The following RRP1 variants were observed in gnomAD, a reference collection of about 807,000 sequenced individuals.
RRP1 encodes the protein ribosomal RNA processing 1.
A neutral mutation model predicts 54.6 loss-of-function variants in RRP1; 37 were observed. That is an observed-to-expected ratio of 0.68 (90% CI 0.52 to 0.89). RRP1 has a LOEUF of 0.89. Ranked by LOEUF, RRP1 falls within the 40% of genes least tolerant of loss-of-function variation. The pLI is 0.00. For missense variants in RRP1, 639 were observed against 612.5 expected (o/e 1.04, Z -0.46); for synonymous variants, 262 against 244.3 (o/e 1.07, Z -0.67).
chr21:43,790,028 T>A (rs1400865148), intron 1 of RRP1, among the ~76,000 whole-genome samples: 2 of 152,116 alleles, frequency 1.3e-5, no homozygotes, highest in African/African-American at 2.4e-5. Context: ...AGGCGTCCCC[T>A]CCCTCCAGTA....
chr21:43,792,912 A>G (rs1601866763), intron 3 of RRP1, 183 bp downstream of exon 3: 2 of 628,298 alleles, frequency 3.2e-6, no homozygotes, highest in Middle Eastern at 2.7e-4. Context: ...AGTATTCAAC[A>G]TGGATTAGCT....
chr21:43,793,750 GC>G (rs1157032367), intron 4 of RRP1, among the ~76,000 whole-genome samples: 1 of 152,254 alleles, frequency 6.6e-6, no homozygotes, highest in Admixed American at 6.5e-5. Context: ...CAGCAGAGGA[GC>G]TGCGGTCACG....
At chr21:43,800,435 T>C in intron 9 of RRP1, 82 bp from the exon 10 acceptor site, 1 of 1,306,780 alleles carries the variant, frequency 7.7e-7, no homozygotes. Flanking sequence ...CCAAGTGCTA[T>C]CTGGGTCTCA....
intron 8 of RRP1, among the ~76,000 whole-genome samples, chr21:43,798,556 GC>G (rs1340717927): frequency 2.0e-5 from 3 of 152,064 alleles, no homozygotes; most frequent in African/African-American, 7.2e-5. Flanking sequence ...CTCGTTCCTG[GC>G]CCGTCTCCCC....
At chr21:43,790,006 C>A (rs1411700792) in intron 1 of RRP1, among the ~76,000 whole-genome samples, 1 of 152,254 alleles carries the variant, frequency 6.6e-6, no homozygotes, top group African/African-American at 2.4e-5. Flanking sequence ...CCCGTAACCC[C>A]TTTCCTAGCT....
At position 43,789,692 on chromosome 21, in the gene RRP1, G is replaced by A. The variant is rs533406291; in HGVS notation, c.63G>A (p.Glu21=). The A allele has an allele frequency of 1.0e-5, 16 of 1,564,310 alleles. 1 individual carries two copies. The highest frequency in any genetic ancestry group is 1.7e-4 in the Middle Eastern group (1 of 6,000). The stretch of plus-strand genomic sequence containing the variant: ...TGGCTCAGCGCCTGGCGGGGAATGA[G>A]CAGGTGACCCGGGACCGGGCGGTGA... ...IQLAQRLAGN[E]QVTRDRAVRK... The change falls in exon 1 of 13, where the codon GAG becomes GAA. Residue 21 remains glutamate, a synonymous_variant. Transcript: ENST00000497547.
In RRP1 at chr21:43,803,581, CCGACCCCGAGGCGCGGGCAG is replaced by C; in HGVS notation, c.1194_1213del (p.Asp399GlyfsTer3). The C allele has an allele frequency of 1.3e-6, 2 of 1,553,468 alleles. No individual in the cohort carries two copies. Among genetic ancestry groups the C allele is most frequent in the Non-Finnish European group, 1.7e-6 (2 of 1,149,002 alleles). ...AGGAGCAGGAGGAGGGGTGTAGGGGCCGACCCCGAGGCGCGGGCAGAGGCTGGTGAGCAGCCAGGCACAGC... is the reference window on the plus strand; with the variant it reads ...AGGAGCAGGAGGAGGGGTGTAGGGGCAGGCTGGTGAGCAGCCAGGCACAGC... On this transcript the variant is annotated frameshift_variant, in exon 13 of 13. Transcript: ENST00000497547. LOFTEE classifies it low-confidence loss of function (END_TRUNC).
Position 43,797,636 on chromosome 21 carries a change from G to T in RRP1, c.558G>T (p.Thr186=), listed in dbSNP as rs758314217. The part of the protein sequence containing the change: ...ELTKVGAEEL[T]ADQNLKFIDP... ...CCCGCTGGCTTTCCCCGTAGCTTACGGCAGACCAGAACCTGAAGTTCATCG... is the reference window on the plus strand; with the variant it reads ...CCCGCTGGCTTTCCCCGTAGCTTACTGCAGACCAGAACCTGAAGTTCATCG... Residue 186 remains threonine, a synonymous_variant, in exon 7 of 13, where the codon ACG becomes ACT. Transcript: ENST00000497547. 1 of 1,614,164 alleles carries T rather than the reference G, an allele frequency of 6.2e-7. No homozygotes were observed. Among genetic ancestry groups the T allele is most frequent in the South Asian group, 1.1e-5 (1 of 91,078 alleles).
chr21:43,789,577 A>G lies in RRP1; in HGVS notation c.-53A>G, dbSNP rs920264291. The G allele has an allele frequency of 7.1e-6, 11 of 1,542,494 alleles. No individual in the cohort carries two copies. Among genetic ancestry groups the G allele is most frequent in the Non-Finnish European group, 8.7e-6 (10 of 1,148,328 alleles). Reference sequence around the variant, plus strand: ...AGGCGGGCGCAGGAGGCGCGTGCTCAGTGTGCTGGGTACCAGGCGACTCCG... The same window carrying G: ...AGGCGGGCGCAGGAGGCGCGTGCTCGGTGTGCTGGGTACCAGGCGACTCCG... On this transcript the variant is annotated 5_prime_UTR_variant, in exon 1 of 13. Coordinates refer to ENST00000497547, the MANE Select transcript of RRP1 (RefSeq NM_003683.6).
At chr21:43,793,071 T>A in intron 3 of RRP1, 1 of 557,158 alleles carries the variant, frequency 1.8e-6, no homozygotes, top group East Asian at 3.0e-5. Context: ...TTCTGACTCC[T>A]CTGTTCTCTG....
intron 11 of RRP1, among the ~76,000 whole-genome samples, chr21:43,801,147 C>T (rs1432785179): frequency 6.6e-6 from 1 of 152,222 alleles, no homozygotes; most frequent in Admixed American, 6.5e-5. Context: ...GGCTCCCAAG[C>T]ACTGACCGCG....
intron 1 of RRP1, 136 bp downstream of exon 1, chr21:43,789,898 C>G (rs1228561034): frequency 1.8e-6 from 2 of 1,108,840 alleles, no homozygotes; most frequent in African/African-American, 3.3e-5. Flanking sequence ...GCGGGGTCCA[C>G]TGGCCTGTTC....
intron 4 of RRP1, 67 bp downstream of exon 4, chr21:43,793,471 C>T: frequency 7.2e-7 from 1 of 1,391,822 alleles, no homozygotes; most frequent in East Asian, 2.3e-5. Flanking sequence ...CCAAGCGAGA[C>T]AGGCGGCACC....
At chr21:43,797,320 A>G (rs2085029481) in intron 5 of RRP1, 102 bp from the exon 6 acceptor site, 1 of 1,496,180 alleles carries the variant, frequency 6.7e-7, no homozygotes, top group East Asian at 2.3e-5. Context: ...GCCTGCCCGC[A>G]CTTAGGTTCC....
chr21:43,792,730 G>GT lies in RRP1; in HGVS notation c.274+2dup. Reference sequence around the variant, plus strand: ...CATGCTTTTCAGACCACGGAGGCGCGTGAGTATGCTCTGCTGTAGTTGGGT... The same window carrying GT: ...CATGCTTTTCAGACCACGGAGGCGCGTTGAGTATGCTCTGCTGTAGTTGGGT... On this transcript the variant is annotated splice_donor_variant, in intron 3 of 12. Coordinates refer to ENST00000497547, the MANE Select transcript of RRP1 (RefSeq NM_003683.6). LOFTEE classifies it high-confidence loss of function. The GT allele has an allele frequency of 6.2e-7, 1 of 1,614,056 alleles. No homozygotes were observed.
chr21:43,795,360 T>TG, intron 5 of RRP1, 110 bp downstream of exon 5: 1 of 1,010,216 alleles, frequency 9.9e-7, no homozygotes, highest in Non-Finnish European at 1.6e-6. Flanking sequence ...TATTAACGCA[T>TG]GCCCCCAATC....
At chr21:43,802,233 C>G (rs1268821003) in intron 11 of RRP1, 41 bp from the exon 12 acceptor site, 2 of 1,484,316 alleles carry the variant, frequency 1.3e-6, no homozygotes, top group African/African-American at 2.8e-5. Context: ...CCATAAGTCC[C>G]CAGCCCCCGA....
chr21:43,796,504 C>A (rs918804545), intron 5 of RRP1, among the ~76,000 whole-genome samples: 3 of 152,212 alleles, frequency 2.0e-5, no homozygotes, highest in African/African-American at 7.2e-5. Flanking sequence ...GGTCCCAGTG[C>A]TGACAGTGGG....
chr21:43,801,602 C>T (rs915014395), intron 11 of RRP1, among the ~76,000 whole-genome samples: 22 of 152,194 alleles, frequency 1.4e-4, no homozygotes, highest in Admixed American at 6.5e-4. Flanking sequence ...GCCTCCCAGT[C>T]GCTGGGACCA....
Sources: gnomAD v4.1 joint callset for allele counts (sites outside exome capture counted in the v4.1 genomes callset) on GRCh38, gnomAD v4.1.1 for gene constraint, MANE v1.5 for transcripts, NCBI Gene and HGNC (gene_info 2026-07-23, HGNC 2026-07-21) for gene names.